Variants in CTDSPL2 observed in about 807,000 individuals in gnomAD.
CTDSPL2 encodes CTD small phosphatase-like protein 2.
Under a neutral mutation model 60.0 loss-of-function variants are expected in CTDSPL2, and 5 were observed. The ratio of observed to expected loss-of-function variants is 0.08; its 90% CI spans 0.04 to 0.18. The LOEUF is 0.18. Among genes scored for constraint, CTDSPL2 ranks in the 10% least tolerant of loss-of-function variants. CTDSPL2 has a pLI of 1.00. For missense variants in CTDSPL2, 370 were observed against 548.8 expected (o/e 0.67, Z 3.26); for synonymous variants, 186 against 189.3 (o/e 0.98, Z 0.14).
At chr15:44,476,236 T>G (rs2080913642) in intron 2 of CTDSPL2, among the ~76,000 whole-genome samples, 1 of 151,896 alleles carries the variant, frequency 6.6e-6, no homozygotes, top group Non-Finnish European at 1.5e-5. Flanking sequence ...GCTGGCTAAT[T>G]TTTTGTATTT....
intron 1 of CTDSPL2, among the ~76,000 whole-genome samples, chr15:44,441,297 C>T (rs1306470353): frequency 6.6e-6 from 1 of 152,144 alleles, no homozygotes; most frequent in Non-Finnish European, 1.5e-5. Flanking sequence ...CCACTAGTCC[C>T]TTCCAGTTTT....
chr15:44,430,239 T>C (rs1200100049), intron 1 of CTDSPL2, among the ~76,000 whole-genome samples: 7 of 152,210 alleles, frequency 4.6e-5, no homozygotes, highest in African/African-American at 1.7e-4. Context: ...GCTATAGATT[T>C]TATTGTCAGT....
chr15:44,514,300 A>G (rs542937843), intron 8 of CTDSPL2, among the ~76,000 whole-genome samples: 1 of 152,308 alleles, frequency 6.6e-6, no homozygotes, highest in African/African-American at 2.4e-5. Context: ...CTCAGAGGGA[A>G]ACTTTCCATT....
In CTDSPL2 at chr15:44,515,573, A is replaced by G. The variant is rs2555354; in HGVS notation, c.1112+729A>G. On this transcript the variant is annotated intron_variant, in intron 10 of 12. Transcript: ENST00000260327. ...CTGAGAGAGATGACACAAACGGCTC[A>G]TAAAAGCTTTAATAGGGCCAGGCGC... Among the ~76,000 whole-genome samples the G allele has an allele frequency of 2.3e-3, 357 of 152,336 alleles. 15 individuals are homozygous for G. The East Asian group carries it at 0.058, about 25-fold the overall frequency.
intron 6 of CTDSPL2, 29 bp from the exon 7 acceptor site, chr15:44,496,998 T>C: frequency 7.3e-7 from 1 of 1,362,708 alleles, no homozygotes; most frequent in Non-Finnish European, 1.0e-6. Context: ...AAGTAAAATG[T>C]TGAAATTTTC....
intron 5 of CTDSPL2, 130 bp from the exon 6 acceptor site, chr15:44,496,250 G>A (rs532398549): frequency 1.6e-6 from 1 of 608,024 alleles, no homozygotes; most frequent in South Asian, 2.2e-5. Flanking sequence ...TGGCTTTTAG[G>A]TGTTTACAAG....
rs779587261 is a variant in CTDSPL2 at position 44,459,070 on chromosome 15, G to T, written c.56G>T (p.Arg19Leu). 1.2e-6 allele frequency: 2 copies of T among 1,611,552 alleles called. No individual in the cohort carries two copies. Among genetic ancestry groups the T allele is most frequent in the Admixed American group, 1.7e-5 (1 of 59,786 alleles). ...CAGTCAAATCAAATCCAAACACAAC[G>T]CACTGCCAGAGCAAAGAGGAAATAT... is the stretch of plus-strand genomic sequence containing the variant. ...SQQSNQIQTQRTARAKRKYSE... is the reference protein window; with the variant it reads ...SQQSNQIQTQLTARAKRKYSE... The change falls in exon 2 of 13, where the codon CGC becomes CTC. Residue 19 changes from arginine (R) to leucine (L), a missense_variant. Coordinates refer to ENST00000260327, the MANE Select transcript of CTDSPL2 (RefSeq NM_016396.3).
rs2081849029 is a variant in CTDSPL2, at chr15:44,524,937, A to G, written c.*763A>G. The G allele has an allele frequency of 6.5e-6, 1 of 153,524 alleles. No homozygotes were observed. The highest frequency in any genetic ancestry group is 6.5e-5 in the Admixed American group (1 of 15,318). The allele number at this position is 153,524 out of a possible 1,614,324, so 9.5% of individuals were successfully genotyped here. A position where few individuals can be genotyped will look rare whatever the true frequency, so the allele number is the denominator to read the frequency against. On this transcript the variant is annotated 3_prime_UTR_variant, in exon 13 of 13. Transcript: ENST00000260327. ...AAATCAAGAGACTGGGTAGATAAGA[A>G]TATATGAATGACTAATATACAAAAG... is the stretch of plus-strand genomic sequence containing the variant.
intron 1 of CTDSPL2, among the ~76,000 whole-genome samples, chr15:44,449,836 C>T (rs538817086): frequency 9.2e-5 from 14 of 151,898 alleles, no homozygotes; most frequent in East Asian, 1.9e-4. Flanking sequence ...ACTAAAAATA[C>T]GAAAATTTGC....
intron 12 of CTDSPL2, among the ~76,000 whole-genome samples, chr15:44,521,714 G>A (rs938694012): frequency 1.4e-4 from 21 of 151,538 alleles, no homozygotes; most frequent in African/African-American, 3.4e-4. Context: ...CGAGGCGGGC[G>A]GATCACGAGG....
chr15:44,498,415 G>A (rs1275953006), intron 7 of CTDSPL2, among the ~76,000 whole-genome samples: 1 of 151,888 alleles, frequency 6.6e-6, no homozygotes, highest in African/African-American at 2.4e-5. Context: ...ACAACATAGT[G>A]AGACCCACGT....
chr15:44,459,588 C>A (rs747050704), intron 2 of CTDSPL2, among the ~76,000 whole-genome samples: 2 of 151,482 alleles, frequency 1.3e-5, no homozygotes, highest in African/African-American at 4.8e-5. Flanking sequence ...AATCTGATAG[C>A]GCACCAAAAA....
chr15:44,491,972 G>A (rs1176198992), intron 5 of CTDSPL2, among the ~76,000 whole-genome samples: 4 of 151,776 alleles, frequency 2.6e-5, no homozygotes, highest in Non-Finnish European at 4.4e-5. Flanking sequence ...CAAGCGATTC[G>A]CCTGTCTCAG....
chr15:44,443,808 A>G (rs539626236), intron 1 of CTDSPL2, among the ~76,000 whole-genome samples: 1 of 152,250 alleles, frequency 6.6e-6, no homozygotes, highest in Admixed American at 6.5e-5. Flanking sequence ...TCTAGATAAG[A>G]ACTTCTTAAG....
chr15:44,459,755 T>C (rs1426089605), intron 2 of CTDSPL2, among the ~76,000 whole-genome samples: 1 of 152,226 alleles, frequency 6.6e-6, no homozygotes, highest in Non-Finnish European at 1.5e-5. Context: ...CTTGTTCTTT[T>C]ACTTGAGTTG....
intron 5 of CTDSPL2, among the ~76,000 whole-genome samples, chr15:44,491,760 G>T (rs1039342444): frequency 2.0e-5 from 3 of 152,160 alleles, no homozygotes; most frequent in Non-Finnish European, 4.4e-5. Context: ...AAGAAACATA[G>T]TTTGGGGCCA....
In CTDSPL2 at chr15:44,440,669, T is replaced by A. The variant is rs185854352; in HGVS notation, c.-25+12897T>A. ...ATTTCTGGTTTTTAAATTTTTTTTTTAATTCATCTTGATTTCTGGTCTGTT... is the reference window on the plus strand; with the variant it reads ...ATTTCTGGTTTTTAAATTTTTTTTTAAATTCATCTTGATTTCTGGTCTGTT... On this transcript the variant is annotated intron_variant, in intron 1 of 12. Transcript: ENST00000260327. Among the ~76,000 whole-genome samples, 647 of 152,330 alleles carry A rather than the reference T, an allele frequency of 4.2e-3. 15 individuals are homozygous for A. The highest frequency in any genetic ancestry group is 0.038 in the East Asian group (199 of 5,188).
At chr15:44,505,418 C>T (rs1349621058) in intron 8 of CTDSPL2, among the ~76,000 whole-genome samples, 1 of 150,620 alleles carries the variant, frequency 6.6e-6, no homozygotes, top group Non-Finnish European at 1.5e-5. Flanking sequence ...GAGCCAGTCT[C>T]AAAAAGAAAA....
intron 1 of CTDSPL2, among the ~76,000 whole-genome samples, chr15:44,454,626 G>C (rs1391018379): frequency 6.6e-6 from 1 of 152,200 alleles, no homozygotes; most frequent in Admixed American, 6.5e-5. Flanking sequence ...AAGGGATCCA[G>C]TTTCAGCTTT....
Sources: allele counts gnomAD v4.1 joint callset (sites outside exome capture counted in the v4.1 genomes callset), GRCh38; gene constraint gnomAD v4.1.1; transcripts MANE v1.5; gene names NCBI Gene and HGNC (gene_info 2026-07-23, HGNC 2026-07-21).